GRIK2: variants seen among roughly 807,000 people sequenced by gnomAD.
GRIK2 encodes the protein glutamate receptor ionotropic, kainate 2.
A neutral mutation model predicts 100.3 loss-of-function variants in GRIK2; 32 were observed. That is an observed-to-expected ratio of 0.32 (90% CI 0.24 to 0.43). GRIK2 has a LOEUF of 0.43. GRIK2 is among the 20% of genes least tolerant of loss of function. The probability of loss-of-function intolerance (pLI) is 1.00; values close to 1 mark genes in which losing one functional copy is unlikely to be tolerated. For missense variants in GRIK2, 843 were observed against 1,114.9 expected (o/e 0.76, Z 3.47); for synonymous variants, 417 against 389.4 (o/e 1.07, Z -0.83).
At chr6:101,754,672 G>C (rs1481505304) in intron 7 of GRIK2, among the ~76,000 whole-genome samples, 1 of 152,186 alleles carries the variant, frequency 6.6e-6, no homozygotes, top group Non-Finnish European at 1.5e-5. Flanking sequence ...AGGGTACTAG[G>C]TTAGCACATA....
At chr6:101,734,424 C>G (rs77818994) in intron 7 of GRIK2, among the ~76,000 whole-genome samples, 2,398 of 152,280 alleles carry the variant, frequency 0.016, 27 homozygotes, top group Non-Finnish European at 0.021. Flanking sequence ...GAGGGTCAGC[C>G]CTTTTTCTCT....
At chr6:101,412,736 T>C (rs748737380) in intron 2 of GRIK2, among the ~76,000 whole-genome samples, 21 of 152,018 alleles carry the variant, frequency 1.4e-4, no homozygotes, top group Non-Finnish European at 2.4e-4. Flanking sequence ...AGACAAACTA[T>C]GAAAAATCCT....
At chr6:101,951,282 A>G (rs1791589285) in intron 14 of GRIK2, among the ~76,000 whole-genome samples, 1 of 152,220 alleles carries the variant, frequency 6.6e-6, no homozygotes, top group Non-Finnish European at 1.5e-5. Context: ...AACATGATGG[A>G]TAAAAGGTAT....
chr6:101,694,867 C>A (rs1177342069), intron 7 of GRIK2, among the ~76,000 whole-genome samples: 1 of 151,326 alleles, frequency 6.6e-6, no homozygotes, highest in African/African-American at 2.4e-5. Flanking sequence ...CTCCTCCCCC[C>A]AAAAATTTAA....
At chr6:101,583,022 A>G (rs9498630) in intron 2 of GRIK2, among the ~76,000 whole-genome samples, 12,908 of 152,176 alleles carry the variant, frequency 0.085, 1,466 homozygotes, top group African/African-American at 0.26. Context: ...GAACAATGAA[A>G]TAAGGAGACA....
intron 2 of GRIK2, among the ~76,000 whole-genome samples, chr6:101,584,035 T>C (rs1223583719): frequency 6.6e-6 from 1 of 152,092 alleles, no homozygotes; most frequent in African/African-American, 2.4e-5. Flanking sequence ...GCAGTTGATG[T>C]CATGTGCATA....
At chr6:101,584,873 A>G (rs2128304320) in intron 2 of GRIK2, among the ~76,000 whole-genome samples, 1 of 152,002 alleles carries the variant, frequency 6.6e-6, no homozygotes, top group South Asian at 2.1e-4. Context: ...ACAGAACCTG[A>G]CTTTTAGTTA....
At chr6:101,532,886 C>T (rs2518258) in intron 2 of GRIK2, among the ~76,000 whole-genome samples, 84,085 of 151,430 alleles carry the variant, frequency 0.56, 23,481 homozygotes, top group Non-Finnish European at 0.58. Context: ...TTGTCTTACA[C>T]ATTTTTATAT....
intron 2 of GRIK2, among the ~76,000 whole-genome samples, chr6:101,561,043 A>C (rs927531183): frequency 6.6e-6 from 1 of 152,220 alleles, no homozygotes; most frequent in African/African-American, 2.4e-5. Context: ...GGCCTAAGTA[A>C]TGAGACAAAA....
At chr6:101,474,323 G>T (rs960628988) in intron 2 of GRIK2, among the ~76,000 whole-genome samples, 6 of 151,780 alleles carry the variant, frequency 4.0e-5, no homozygotes, top group Non-Finnish European at 7.4e-5. Flanking sequence ...TGGAACTGAA[G>T]ATTAAAACAG....
intron 16 of GRIK2, among the ~76,000 whole-genome samples, chr6:102,062,413 A>G (rs1022112052): frequency 2.0e-5 from 3 of 150,470 alleles, no homozygotes; most frequent in African/African-American, 7.3e-5. Flanking sequence ...CATAGATGGA[A>G]GTTAAGATAA....
chr6:101,403,890 C>T (rs1775463886), intron 2 of GRIK2, among the ~76,000 whole-genome samples: 1 of 152,178 alleles, frequency 6.6e-6, no homozygotes, highest in African/African-American at 2.4e-5. Context: ...GAATCGCCAA[C>T]ACAACGATCA....
chr6:101,998,831 T>TTTTGTTTG (rs1794782514), intron 14 of GRIK2, among the ~76,000 whole-genome samples: 1 of 146,552 alleles, frequency 6.8e-6, no homozygotes, highest in African/African-American at 2.5e-5. Context: ...TTTTTTTTTT[T>TTTTGTTTG]GAGTTGGAGT....
intron 7 of GRIK2, among the ~76,000 whole-genome samples, chr6:101,695,005 A>G (rs1363367607): frequency 1.3e-5 from 2 of 150,132 alleles, no homozygotes; most frequent in Non-Finnish European, 3.0e-5. Context: ...GGAAATATAT[A>G]AAAATATATA....
At position 102,041,783 on chromosome 6, in the gene GRIK2, C is replaced by CGA. The variant is rs1770590664; in HGVS notation, c.2311+6219_2311+6220dup. ...AGAAATGTTTTGATCACTTCTAATACGAGGTTTTAGAAAATTAAAAAAAAA... is the reference window on the plus strand; with the variant it reads ...AGAAATGTTTTGATCACTTCTAATACGAGAGGTTTTAGAAAATTAAAAAAAAA... On this transcript the variant is annotated intron_variant, in intron 15 of 16. Transcript: ENST00000369134. Among the ~76,000 whole-genome samples the CGA allele has an allele frequency of 2.1e-5, 3 of 146,136 alleles. No homozygotes were observed. In the South Asian group the frequency reaches 6.6e-4, roughly 32 times the overall value.
At chr6:101,752,862 G>C (rs960204616) in intron 7 of GRIK2, among the ~76,000 whole-genome samples, 20 of 152,146 alleles carry the variant, frequency 1.3e-4, no homozygotes, top group Non-Finnish European at 1.6e-4. Flanking sequence ...TGAAAATACT[G>C]TAGATGTATT....
intron 2 of GRIK2, among the ~76,000 whole-genome samples, chr6:101,463,678 A>T (rs1771463335): frequency 6.6e-6 from 1 of 152,142 alleles, no homozygotes; most frequent in Non-Finnish European, 1.5e-5. Flanking sequence ...CACCTCCAAG[A>T]CGTTGCCTCT....
At chr6:101,971,243 T>C (rs1582642199) in intron 14 of GRIK2, among the ~76,000 whole-genome samples, 1 of 152,074 alleles carries the variant, frequency 6.6e-6, no homozygotes, top group East Asian at 1.9e-4. Flanking sequence ...TGTTATATTA[T>C]TTAGTTTTAC....
intron 2 of GRIK2, among the ~76,000 whole-genome samples, chr6:101,576,735 T>C (rs1777807765): frequency 1.3e-5 from 2 of 152,198 alleles, no homozygotes; most frequent in South Asian, 2.1e-4. Context: ...ATGTATTACT[T>C]TTCTGTGTAA....
Sources: gnomAD v4.1 joint callset for allele counts (sites outside exome capture counted in the v4.1 genomes callset) on GRCh38, gnomAD v4.1.1 for gene constraint, MANE v1.5 for transcripts, NCBI Gene and HGNC (gene_info 2026-07-23, HGNC 2026-07-21) for gene names.